Variants in MARS1 observed in about 807,000 individuals in gnomAD.
The protein encoded by MARS1 is methionine--tRNA ligase, cytoplasmic.
MARS1 carries 80 observed loss-of-function variants against 119.5 expected under a neutral mutation model. That is an observed-to-expected ratio of 0.67 (90% confidence interval 0.56 to 0.81). The LOEUF (loss-of-function observed/expected upper bound fraction) is 0.81. Ranked by LOEUF, MARS1 falls within the 30% of genes least tolerant of loss-of-function variation. MARS1 has a pLI of 0.00. For missense variants in MARS1, 945 were observed against 1,116.5 expected (o/e 0.85, Z 2.19); for synonymous variants, 418 against 433.4 (o/e 0.96, Z 0.44).
intron 7 of MARS1, among the ~76,000 whole-genome samples, 178 bp from the exon 8 acceptor site, chr12:57,497,979 G>T (rs1297452132): frequency 6.6e-6 from 1 of 152,126 alleles, no homozygotes; most frequent in African/African-American, 2.4e-5. Context: ...TTGCATCTCT[G>T]GGGATCTTAG....
intron 11 of MARS1, among the ~76,000 whole-genome samples, chr12:57,508,699 A>AGGTAGAGGTAGAGGGTAGAGGTAGAG (rs71280717): frequency 5.5e-5 from 8 of 145,766 alleles, no homozygotes; most frequent in African/African-American, 1.8e-4. Context: ...GTAGAGGTAG[A>AGGTAGAGGTAGAGGGTAGAGGTAGAG]GGTAGAGGGT....
chr12:57,488,996 C>A (rs769604714), intron 1 of MARS1, 23 bp from the exon 2 acceptor site: 4 of 1,508,114 alleles, frequency 2.7e-6, no homozygotes, highest in Non-Finnish European at 3.7e-6. Flanking sequence ...TTTTTTTTAA[C>A]CCATTTTCCA....
chr12:57,515,082 T>C, intron 17 of MARS1, 24 bp downstream of exon 17: 1 of 1,614,070 alleles, frequency 6.2e-7, no homozygotes, highest in Non-Finnish European at 8.5e-7. Context: ...GAGGGTTGGC[T>C]AAAGGCATAA....
chr12:57,498,374 A>G (rs752747731), intron 8 of MARS1, 46 bp from the exon 9 acceptor site: 1 of 1,599,432 alleles, frequency 6.3e-7, no homozygotes, highest in Non-Finnish European at 8.6e-7. Context: ...AAGGACAAGG[A>G]AGCGCTGAAG....
At chr12:57,496,413 T>G (rs954185432) in intron 7 of MARS1, among the ~76,000 whole-genome samples, 3 of 151,928 alleles carry the variant, frequency 2.0e-5, no homozygotes, top group Non-Finnish European at 4.4e-5. Context: ...TCCGCCTGCC[T>G]GAGCCTCCCA....
rs529809107 is a variant in MARS1 at position 57,507,774 on chromosome 12, C to T, written c.1368+3475C>T. Among the ~76,000 whole-genome samples, 395 of 148,128 alleles carry T rather than the reference C, an allele frequency of 2.7e-3. 4 individuals carry two copies. Among genetic ancestry groups the T allele is most frequent in the African/African-American group, 8.4e-3 (338 of 40,088 alleles). On this transcript the variant is annotated intron_variant, in intron 11 of 20. Coordinates refer to ENST00000262027, the MANE Select transcript of MARS1 (RefSeq NM_004990.4). The stretch of plus-strand genomic sequence containing the variant: ...GGGGGCTGACCCCCCACCTCCCTCC[C>T]GGACGGGGCGGCTGGCCGGGCGGAG...
chr12:57,498,126 A>G (rs760077865), intron 7 of MARS1, 31 bp from the exon 8 acceptor site: 1 of 1,441,342 alleles, frequency 6.9e-7, no homozygotes, highest in African/African-American at 1.4e-5. Context: ...ACATCCCCCC[A>G]TGCACTGTTC....
chr12:57,515,613 T>TA, intron 18 of MARS1: 2 of 565,904 alleles, frequency 3.5e-6, no homozygotes, highest in Middle Eastern at 9.3e-4. Flanking sequence ...TGCTAGCAGA[T>TA]AGTGGGCAGG....
chr12:57,493,797 T>TATATATTATATATC (rs1876359543), intron 7 of MARS1, among the ~76,000 whole-genome samples: 65 of 1,024 alleles, frequency 0.063, 10 homozygotes, highest in Non-Finnish European at 0.17. Flanking sequence ...TATTATATAT[T>TATATATTATATATC]ATATTATATA....
At chr12:57,514,214 G>A (rs10783829) in intron 15 of MARS1, among the ~76,000 whole-genome samples, 135,445 of 143,246 alleles carry the variant, frequency 0.95, 64,446 homozygotes, top group East Asian at 1. Context: ...CTGGAGTGCA[G>A]TGGCGCGATC....
rs558631075 is a variant in MARS1 at position 57,514,805 on chromosome 12, G to A, written c.2053G>A (p.Val685Ile). The change falls in exon 16 of 21, where the codon GTC becomes ATC. Residue 685 changes from valine (V) to isoleucine (I), a missense_variant. Transcript: ENST00000262027. ...TGATGATCAGCGCCTGCTGGCCCAT[G>A]TCACCCTGGAGCTCCAGCACTATCA... ...TPDDQRLLAHVTLELQHYHQL... is the reference protein window; with the variant it reads ...TPDDQRLLAHITLELQHYHQL... 2.3e-5 allele frequency: 37 copies of A among 1,614,084 alleles called. No individual in the cohort carries two copies. The highest frequency in any genetic ancestry group is 4.0e-5 in the African/African-American group (3 of 74,918).
rs1875801241 is a variant in MARS1, at chr12:57,489,937, A to G, written c.456A>G (p.Leu152=). The change falls in exon 5 of 21, where the codon CTA becomes CTG. Residue 152 remains leucine, a synonymous_variant. Coordinates refer to ENST00000262027, the MANE Select transcript of MARS1 (RefSeq NM_004990.4). The part of the protein sequence containing the change: ...SLADIVLWGA[L]YPLLQDPAYL... ...CCGACATTGTTTTGTGGGGAGCCCT[A>G]TACCCATTACTGCAAGATCCCGCCT... 4 of 1,614,052 alleles carry G rather than the reference A, an allele frequency of 2.5e-6. No individual in the cohort carries two copies. The highest frequency in any genetic ancestry group is 3.4e-6 in the Non-Finnish European group (4 of 1,180,028).
rs145260922 is a variant in MARS1, at chr12:57,498,518, C to A, written c.986C>A (p.Pro329His). 114 of 1,614,170 alleles carry A rather than the reference C, an allele frequency of 7.1e-5. No individual in the cohort carries two copies. The African/African-American group carries it at 1.4e-3, about 20-fold the overall frequency. The change falls in exon 9 of 21, where the codon CCC (proline) becomes CAC (histidine). Residue 329 changes from proline to histidine, a missense_variant. Physicochemically the swap from Pro to His is moderately conservative, Grantham distance 77. Transcript: ENST00000262027. ...AAGGCTCTGGAGGAGGGACTAACCCCCCAGGAGATCTGCGACAAGTACCAC... is the reference window on the plus strand; with the variant it reads ...AAGGCTCTGGAGGAGGGACTAACCCACCAGGAGATCTGCGACAAGTACCAC... The part of the protein sequence containing the change: ...ETKALEEGLT[P>H]QEICDKYHII...
chr12:57,503,233 CTTT>C (rs777768874), intron 10 of MARS1, among the ~76,000 whole-genome samples: 3 of 136,082 alleles, frequency 2.2e-5, no homozygotes. Flanking sequence ...GCACTTGTTT[CTTT>C]TTTTTTTTTT....
Position 57,498,471 on chromosome 12 carries a change from G to C in MARS1, c.939G>C (p.Glu313Asp). 6.2e-7 allele frequency: 1 copy of C among 1,614,222 alleles called. No homozygotes were observed. The highest frequency in any genetic ancestry group is 8.5e-7 in the Non-Finnish European group (1 of 1,180,044). Residue 313 changes from glutamate to aspartate, a missense_variant, in exon 9 of 21, where the codon GAG becomes GAC. Coordinates refer to ENST00000262027, the MANE Select transcript of MARS1 (RefSeq NM_004990.4). Reference protein sequence around the residue: ...WNTLYLCGTDEYGTATETKAL... With the variant: ...WNTLYLCGTDDYGTATETKAL... ...CCCTCTATCTGTGTGGGACAGATGA[G>C]TATGGTACAGCAACAGAGACCAAGG... is the stretch of plus-strand genomic sequence containing the variant.
At chr12:57,511,532 A>T (rs1354074800) in intron 11 of MARS1, 166 bp from the exon 12 acceptor site, 2 of 654,718 alleles carry the variant, frequency 3.1e-6, no homozygotes, top group East Asian at 2.7e-5. Flanking sequence ...AGCTGTGATT[A>T]TGATTGCACC....
chr12:57,516,570 A>G lies in MARS1; in HGVS notation c.2692A>G (p.Lys898Glu). 6.3e-7 allele frequency: 1 copy of G among 1,576,150 alleles called. No homozygotes were observed. The highest frequency in any genetic ancestry group is 1.2e-5 in the South Asian group (1 of 84,816). The change falls in exon 21 of 21, where the codon AAG (lysine) becomes GAG (glutamate). Residue 898 changes from lysine (K) to glutamate (E), a missense_variant. Physicochemically the swap from Lys to Glu is moderately conservative, Grantham distance 56. Transcript: ENST00000262027. The part of the protein sequence containing the change: ...GKPPEAPKGK[K>E]KK ...ACCCCCTGAAGCCCCTAAAGGCAAGAAGAAAAAGTAAAAGACCTTGGCTCA... is the reference window on the plus strand; with the variant it reads ...ACCCCCTGAAGCCCCTAAAGGCAAGGAGAAAAAGTAAAAGACCTTGGCTCA...
rs773073357 is a variant in MARS1 at position 57,515,009 on chromosome 12, A to G, written c.2155A>G (p.Ile719Val). ...LTISRHGNQY[I>V]QVNEPWKRIK... ...CATATCTCGACATGGCAACCAATAT[A>G]TTCAGGTGAATGAGCCCTGGAAGCG... The change falls in exon 17 of 21, where the codon ATT becomes GTT. Residue 719 changes from isoleucine to valine, a missense_variant. By Grantham distance (29) the Ile-to-Val change is conservative. Coordinates refer to ENST00000262027, the MANE Select transcript of MARS1 (RefSeq NM_004990.4). 4.3e-6 allele frequency: 7 copies of G among 1,614,164 alleles called. No individual in the cohort carries two copies. The Admixed American group carries it at 1.0e-4, about 23-fold the overall frequency.
chr12:57,489,790 A>C, intron 4 of MARS1, 106 bp from the exon 5 acceptor site: 1 of 1,147,778 alleles, frequency 8.7e-7, no homozygotes, highest in Non-Finnish European at 1.3e-6. Flanking sequence ...AAAGTGCTTA[A>C]TACAGTGCTT....
Sources: allele counts gnomAD v4.1 joint callset (sites outside exome capture counted in the v4.1 genomes callset), GRCh38; gene constraint gnomAD v4.1.1; transcripts MANE v1.5; gene names NCBI Gene and HGNC (gene_info 2026-07-23, HGNC 2026-07-21).